Variants in CPS1 observed in about 807,000 individuals in gnomAD.
CPS1 encodes carbamoyl-phosphate synthase [ammonia], mitochondrial.
Under a neutral mutation model 174.6 loss-of-function variants are expected in CPS1, and 109 were observed. The observed-to-expected ratio is 0.62, with a 90% confidence interval of 0.53 to 0.73. The LOEUF is 0.73. Ranked by LOEUF, CPS1 falls within the 30% of genes least tolerant of loss-of-function variation. CPS1 has a pLI of 0.00. For missense variants in CPS1, 1,689 were observed against 1,821.9 expected, an observed-to-expected ratio of 0.93 and a Z score of 1.33; for synonymous variants, 637 against 632.0, an observed-to-expected ratio of 1.01 and a Z score of -0.12.
At chr2:210,505,264 T>G (rs535427977) in intron 1 of CPS1, among the ~76,000 whole-genome samples, 74 of 151,434 alleles carry the variant, frequency 4.9e-4, no homozygotes, top group Middle Eastern at 3.4e-3. Context: ...GTAATTGCAG[T>G]TTTTGCCATT....
At chr2:210,515,505 T>G (rs1412945056) in intron 1 of CPS1, among the ~76,000 whole-genome samples, 1 of 151,682 alleles carries the variant, frequency 6.6e-6, no homozygotes, top group Non-Finnish European at 1.5e-5. Context: ...GTGTTCATAG[T>G]CGTCTCTGAG....
Position 210,675,855 on chromosome 2 carries a change from T to C in CPS1, c.4274+15T>C, listed in dbSNP as rs368213601. 3.5e-6 allele frequency: 4 copies of C among 1,127,406 alleles called. No homozygotes were observed. Among genetic ancestry groups the C allele is most frequent in the Non-Finnish European group, 5.4e-6 (4 of 735,668 alleles). The allele number at this position is 1,127,406 out of a possible 1,614,324, so 69.8% of individuals were successfully genotyped here. ...TCCATCAGAAAGTAAGAACTAGGCA[T>C]ACTGTTTTCTGAAATAATTTAGAGG... On this transcript the variant is annotated intron_variant, in intron 36 of 37. Transcript: ENST00000233072.
chr2:210,649,852 A>G (rs1387120804), intron 27 of CPS1, among the ~76,000 whole-genome samples: 1 of 152,210 alleles, frequency 6.6e-6, no homozygotes, highest in Admixed American at 6.5e-5. Flanking sequence ...TTATTCACAT[A>G]CTGCACATTG....
chr2:210,669,522 G>C (rs1701224131), intron 34 of CPS1, among the ~76,000 whole-genome samples: 1 of 152,076 alleles, frequency 6.6e-6, no homozygotes, highest in African/African-American at 2.4e-5. Flanking sequence ...CATCTCATTA[G>C]GGTGTCTTAA....
chr2:210,668,127 A>AATTTTAATTTTAATTTTT, intron 33 of CPS1, 59 bp from the exon 34 acceptor site: 1 of 1,088,252 alleles, frequency 9.2e-7, no homozygotes, highest in Non-Finnish European at 1.4e-6. Flanking sequence ...AATTTTTGGT[A>AATTTTAATTTTAATTTTT]GGAGTGGTTG....
At chr2:210,508,235 C>T (rs1358920976) in intron 1 of CPS1, among the ~76,000 whole-genome samples, 2 of 151,386 alleles carry the variant, frequency 1.3e-5, no homozygotes, top group South Asian at 2.1e-4. Context: ...CACTCAAAAC[C>T]ACTCAACTAC....
At chr2:210,619,594 A>C (rs1315375010) in intron 21 of CPS1, 2 of 152,008 alleles carry the variant, frequency 1.3e-5, no homozygotes, top group Admixed American at 1.3e-4. Context: ...TCATTTCTTA[A>C]TTTCCTTTAT....
At chr2:210,515,662 G>A (rs1361176938) in intron 1 of CPS1, among the ~76,000 whole-genome samples, 2 of 151,526 alleles carry the variant, frequency 1.3e-5, no homozygotes, top group African/African-American at 4.8e-5. Flanking sequence ...TTTTAGTTTT[G>A]TTGATGTTTT....
At chr2:210,577,573 C>G in intron 4 of CPS1, 63 bp downstream of exon 4, 1 of 1,173,852 alleles carries the variant, frequency 8.5e-7, no homozygotes, top group Non-Finnish European at 1.3e-6. Context: ...CCTGTAGATT[C>G]AGAAGTGCCA....
At chr2:210,665,610 A>G (rs1701069438) in intron 33 of CPS1, among the ~76,000 whole-genome samples, 1 of 151,836 alleles carries the variant, frequency 6.6e-6, no homozygotes, top group African/African-American at 2.4e-5. Flanking sequence ...TTTACTGAGA[A>G]TGACGATTTC....
At chr2:210,643,877 A>G (rs888620768) in intron 25 of CPS1, among the ~76,000 whole-genome samples, 3 of 152,130 alleles carry the variant, frequency 2.0e-5, no homozygotes, top group Non-Finnish European at 4.4e-5. Flanking sequence ...AAATAAGTGC[A>G]TCCCACAAAT....
Position 210,608,516 on chromosome 2 carries a change from GAACATCT to G in CPS1, c.2350_2356del (p.Thr784AlafsTer7). ...CGCTGGGATCTTGACCGTTTTCATG[GAACATCT>G]AGCCGAATTGGTAGCTCTATGAAAA... On this transcript the variant is annotated frameshift_variant, in exon 19 of 38. Coordinates refer to ENST00000233072, the MANE Select transcript of CPS1 (RefSeq NM_001875.5). LOFTEE classifies it high-confidence loss of function. 1 of 1,612,142 alleles carries G rather than the reference GAACATCT, an allele frequency of 6.2e-7. No homozygotes were observed. The highest frequency in any genetic ancestry group is 8.5e-7 in the Non-Finnish European group (1 of 1,178,740).
intron 1 of CPS1, among the ~76,000 whole-genome samples, chr2:210,571,165 T>A (rs1325283743): frequency 6.6e-6 from 1 of 151,936 alleles, no homozygotes; most frequent in Non-Finnish European, 1.5e-5. Flanking sequence ...ATTATTGTGG[T>A]TTCCTTTGTG....
intron 19 of CPS1, among the ~76,000 whole-genome samples, chr2:210,611,172 T>A (rs1480495725): frequency 6.6e-6 from 1 of 151,918 alleles, no homozygotes; most frequent in Non-Finnish European, 1.5e-5. Flanking sequence ...TATTTCTAAT[T>A]AAATTTGGAA....
intron 1 of CPS1, among the ~76,000 whole-genome samples, chr2:210,518,862 C>T (rs1695748850): frequency 6.6e-6 from 1 of 151,994 alleles, no homozygotes; most frequent in Non-Finnish European, 1.5e-5. Context: ...CCTGCAGGCC[C>T]TTTAAATCTA....
intron 25 of CPS1, among the ~76,000 whole-genome samples, chr2:210,643,852 G>C (rs1700297924): frequency 6.6e-6 from 1 of 151,968 alleles, no homozygotes; most frequent in South Asian, 2.1e-4. Context: ...ATTTGAGATA[G>C]ACAGGTGGGG....
intron 29 of CPS1, among the ~76,000 whole-genome samples, chr2:210,655,871 A>G (rs1282929894): frequency 1.3e-5 from 2 of 152,198 alleles, no homozygotes; most frequent in Admixed American, 1.3e-4. Context: ...CCAAGGACAC[A>G]CATATTATTA....
intron 2 of CPS1, among the ~76,000 whole-genome samples, chr2:210,576,086 A>C (rs1697699461): frequency 1.3e-5 from 2 of 152,268 alleles, no homozygotes; most frequent in South Asian, 4.1e-4. Context: ...GAATTAAAAA[A>C]TTTAAAGAAA....
intron 1 of CPS1, among the ~76,000 whole-genome samples, chr2:210,479,140 G>C: frequency 6.6e-6 from 1 of 152,098 alleles, no homozygotes; most frequent in Admixed American, 6.6e-5. Context: ...CAGTTGTGAA[G>C]GATAGAAGTC....
Sources: allele counts gnomAD v4.1 joint callset (sites outside exome capture counted in the v4.1 genomes callset), GRCh38; gene constraint gnomAD v4.1.1; transcripts MANE v1.5; gene names NCBI Gene and HGNC (gene_info 2026-07-23, HGNC 2026-07-21).